The following CNTLN variants were observed in gnomAD, a reference collection of about 807,000 sequenced individuals.
The protein encoded by CNTLN is centlein.
Under a neutral mutation model 180.0 loss-of-function variants are expected in CNTLN, and 212 were observed. The ratio of observed to expected loss-of-function variants is 1.18; its 90% CI spans 1.05 to 1.32. The LOEUF (loss-of-function observed/expected upper bound fraction) is 1.32, where lower values mean the gene tolerates loss of function less well. Ranked by LOEUF, CNTLN falls within the 40% of genes most tolerant of loss-of-function variation. The pLI, the probability that CNTLN is intolerant of heterozygous loss-of-function variation, is 0.00. For synonymous variants in CNTLN, 722 were observed against 563.1 expected (o/e 1.28, Z -3.99); for missense variants, 2,095 against 1,610.9 (o/e 1.30, Z -5.14).
At chr9:17,434,606 T>A (rs1829647745) in intron 18 of CNTLN, among the ~76,000 whole-genome samples, 1 of 152,150 alleles carries the variant, frequency 6.6e-6, no homozygotes, top group African/African-American at 2.4e-5. Flanking sequence ...TTTCCAAATT[T>A]GTTGACGTTG....
chr9:17,364,159 A>T (rs7862069), intron 12 of CNTLN, among the ~76,000 whole-genome samples: 16 of 151,902 alleles, frequency 1.1e-4, no homozygotes, highest in African/African-American at 2.9e-4. Flanking sequence ...TATCTTCATC[A>T]GTTCTCAAAT....
chr9:17,325,378 ATG>A (rs74311460), intron 8 of CNTLN, among the ~76,000 whole-genome samples: 16,029 of 127,826 alleles, frequency 0.13, 1,016 homozygotes, highest in East Asian at 0.34. Context: ...ATGTGTATGT[ATG>A]TGTGTGTGTG....
At chr9:17,160,685 G>T (rs768331601) in intron 2 of CNTLN, among the ~76,000 whole-genome samples, 1 of 152,102 alleles carries the variant, frequency 6.6e-6, no homozygotes, top group African/African-American at 2.4e-5. Context: ...GAAGATATAA[G>T]CCACCAAAGA....
intron 9 of CNTLN, among the ~76,000 whole-genome samples, chr9:17,331,321 A>C (rs1162545341): frequency 4.0e-5 from 6 of 150,600 alleles, no homozygotes; most frequent in Non-Finnish European, 1.5e-5. Flanking sequence ...ATTAAGAGAA[A>C]AATAAGCAAA....
intron 5 of CNTLN, among the ~76,000 whole-genome samples, chr9:17,239,432 C>G (rs971706046): frequency 6.8e-6 from 1 of 147,952 alleles, no homozygotes; most frequent in Non-Finnish European, 1.5e-5. Flanking sequence ...TTACTTTTTA[C>G]TCTTTTGATG....
intron 10 of CNTLN, among the ~76,000 whole-genome samples, chr9:17,338,483 T>C (rs1449588243): frequency 6.6e-6 from 1 of 151,500 alleles, no homozygotes; most frequent in Non-Finnish European, 1.5e-5. Context: ...TATTAATTTC[T>C]TATAATTAAA....
chr9:17,487,234 T>C (rs570686290), intron 25 of CNTLN, 168 bp downstream of exon 25: 7 of 614,438 alleles, frequency 1.1e-5, no homozygotes, highest in Non-Finnish European at 2.0e-5. Flanking sequence ...ATTTGTACTT[T>C]GGGACTTAAC....
intron 7 of CNTLN, among the ~76,000 whole-genome samples, chr9:17,305,402 C>T (rs1336878445): frequency 1.3e-5 from 2 of 152,028 alleles, no homozygotes; most frequent in Non-Finnish European, 2.9e-5. Flanking sequence ...AGAAAAGAGC[C>T]TCTCTGAAAA....
chr9:17,458,787 G>T (rs1339978928), intron 19 of CNTLN, among the ~76,000 whole-genome samples: 2 of 151,834 alleles, frequency 1.3e-5, no homozygotes, highest in African/African-American at 4.8e-5. Flanking sequence ...CAATTTATGT[G>T]TATAACTTGG....
intron 13 of CNTLN, among the ~76,000 whole-genome samples, chr9:17,386,752 AT>A (rs1466214655): frequency 6.6e-6 from 1 of 152,192 alleles, no homozygotes; most frequent in Non-Finnish European, 1.5e-5. Context: ...AGTCTTCACC[AT>A]TTACTTTATT....
intron 18 of CNTLN, among the ~76,000 whole-genome samples, chr9:17,446,452 C>CTT (rs1830432697): frequency 6.6e-6 from 1 of 152,108 alleles, no homozygotes; most frequent in Admixed American, 6.5e-5. Context: ...AAATGATGAT[C>CTT]TTTAGCCTTT....
At chr9:17,483,644 G>A (rs565580881) in intron 23 of CNTLN, among the ~76,000 whole-genome samples, 61 of 152,178 alleles carry the variant, frequency 4.0e-4, no homozygotes, top group Non-Finnish European at 8.4e-4. Context: ...CCACACGTAG[G>A]TGTGGTATGG....
chr9:17,416,084 A>T lies in CNTLN; in HGVS notation c.3009A>T (p.Lys1003Asn), dbSNP rs1438441409. 1 of 1,613,720 alleles carries T rather than the reference A, an allele frequency of 6.2e-7. No homozygotes were observed. Among genetic ancestry groups the T allele is most frequent in the South Asian group, 1.1e-5 (1 of 91,072 alleles). The change falls in exon 18 of 26, where the codon AAA becomes AAT. Residue 1003 changes from lysine to asparagine, a missense_variant. Physicochemically the swap from Lys to Asn is moderately conservative, Grantham distance 94 (BLOSUM62 0). Coordinates refer to ENST00000380647, the MANE Select transcript of CNTLN (RefSeq NM_017738.4). The part of the protein sequence containing the change: ...QQNSVLQNAK[K>N]TAELSVKEYK... The stretch of plus-strand genomic sequence containing the variant: ...ACAGTGTACTTCAGAATGCCAAGAA[A>T]ACAGCAGAATTGTCTGTTAAAGAAT...
chr9:17,312,677 A>G (rs1435845090), intron 8 of CNTLN, among the ~76,000 whole-genome samples: 1 of 150,174 alleles, frequency 6.7e-6, no homozygotes, highest in Non-Finnish European at 1.5e-5. Flanking sequence ...TGCTGGGATT[A>G]CAGGCGTGAG....
At position 17,409,331 on chromosome 9, in the gene CNTLN, C is replaced by G; in HGVS notation, c.2654C>G (p.Thr885Arg). 1 of 1,612,792 alleles carries G rather than the reference C, an allele frequency of 6.2e-7. No individual in the cohort carries two copies. The highest frequency in any genetic ancestry group is 8.5e-7 in the Non-Finnish European group (1 of 1,179,512). The change falls in exon 16 of 26, where the codon ACA (threonine) becomes AGA (arginine). Residue 885 changes from threonine to arginine, a missense_variant. By Grantham distance (71) the Thr-to-Arg change is moderately conservative. Coordinates refer to ENST00000380647, the MANE Select transcript of CNTLN (RefSeq NM_017738.4). ...GCACAGACCTCTCAAACTTTGGGAA[C>G]AATTATTGTAGAAACATCCCAGAAA... Reference protein sequence around the residue: ...SEAQTSQTLGTIIVETSQKIS... With the variant: ...SEAQTSQTLGRIIVETSQKIS...
intron 13 of CNTLN, among the ~76,000 whole-genome samples, chr9:17,371,713 G>A (rs1267279632): frequency 1.3e-5 from 2 of 152,068 alleles, no homozygotes; most frequent in East Asian, 1.9e-4. Context: ...TGTGTGTTAA[G>A]CCATAAAACA....
At chr9:17,335,923 C>G in intron 10 of CNTLN, among the ~76,000 whole-genome samples, 1 of 87,494 alleles carries the variant, frequency 1.1e-5, no homozygotes. Flanking sequence ...GCGAGTCTGT[C>G]TCAAAAACAA....
chr9:17,157,309 A>G (rs985079339), intron 2 of CNTLN, among the ~76,000 whole-genome samples: 1 of 152,180 alleles, frequency 6.6e-6, no homozygotes, highest in Non-Finnish European at 1.5e-5. Flanking sequence ...ATCTTTTTCC[A>G]TTAGAGAGGT....
Position 17,302,015 on chromosome 9 carries a change from A to G in CNTLN, c.1146+3663A>G, listed in dbSNP as rs1218667232. On this transcript the variant is annotated intron_variant, in intron 7 of 25. Coordinates refer to ENST00000380647, the MANE Select transcript of CNTLN (RefSeq NM_017738.4). ...TGTTATTTGTTTTACTATTGTAAATAAAGCTGCAATAAACATTTCTTTGTC... is the reference window on the plus strand; with the variant it reads ...TGTTATTTGTTTTACTATTGTAAATGAAGCTGCAATAAACATTTCTTTGTC... 7 of 984,170 alleles carry G rather than the reference A, an allele frequency of 7.1e-6. No homozygotes were observed. The African/African-American group carries it at 1.2e-4, about 17-fold the overall frequency. 61.0% of individuals were successfully genotyped at this position (984,170 alleles called of 1,614,324 possible).
Sources: gnomAD v4.1 joint callset for allele counts (sites outside exome capture counted in the v4.1 genomes callset) on GRCh38, gnomAD v4.1.1 for gene constraint, MANE v1.5 for transcripts, NCBI Gene and HGNC (gene_info 2026-07-23, HGNC 2026-07-21) for gene names.